Variants in ADPRM observed in about 807,000 individuals in gnomAD.
ADPRM encodes ADP-ribose/CDP-alcohol diphosphatase, manganese dependent.
ADPRM carries 17 observed loss-of-function variants against 27.2 expected under a neutral mutation model. The observed-to-expected ratio is 0.63, with a 90% CI of 0.43 to 0.94. The LOEUF is 0.94. Among genes scored for constraint, ADPRM ranks in the 40% least tolerant of loss-of-function variants. The pLI is 0.00. For missense variants in ADPRM, 337 were observed against 412.8 expected (o/e 0.82, Z 1.59); for synonymous variants, 135 against 145.3 (o/e 0.93, Z 0.51).
rs137935631 is a variant in ADPRM, at chr17:10,711,056, T to A, written c.941T>A (p.Val314Asp). 7 of 1,614,076 alleles carry A rather than the reference T, an allele frequency of 4.3e-6. No homozygotes were observed. The African/African-American group carries it at 9.3e-5, about 22-fold the overall frequency. Residue 314 changes from valine (V) to aspartate (D), a missense_variant, in exon 4 of 4, where the codon GTC becomes GAC. Coordinates refer to ENST00000379774, the MANE Select transcript of ADPRM (RefSeq NM_020233.5). Reference protein sequence around the residue: ...PDSQAFGTVHVYPDKMMLKGR... With the variant: ...PDSQAFGTVHDYPDKMMLKGR... ...AGCCAAGCCTTTGGCACAGTTCATG[T>A]CTATCCTGACAAAATGATGTTGAAA...
In ADPRM at chr17:10,702,597, CTTAGT is replaced by C. The variant is rs2074786394; in HGVS notation, c.-17-2309_-17-2305del. On this transcript the variant is annotated intron_variant, in intron 1 of 3. Coordinates refer to ENST00000379774, the MANE Select transcript of ADPRM (RefSeq NM_020233.5). The surrounding 1 kb of genome is among the most constrained non-coding windows in gnomAD (Gnocchi z 4.2). ...GTTCATTTTCTCCAAAAATTGAAGC[CTTAGT>C]TTATCAGCGTTTGTAGTAGTGGCAG... 6.6e-6 allele frequency among the ~76,000 whole-genome samples: 1 copy of C among 152,084 alleles called. No individual in the cohort carries two copies. Among genetic ancestry groups the C allele is most frequent in the Non-Finnish European group, 1.5e-5 (1 of 68,030 alleles).
At position 10,711,143 on chromosome 17, in the gene ADPRM, AGTCT is replaced by A; in HGVS notation, c.1029_*3del. 6.3e-7 allele frequency: 1 copy of A among 1,593,430 alleles called. No homozygotes were observed. ...AAGAAAGAAAGAGCCTTCCATTGTT[AGTCT>A]AATTTATTTTAACTTGATAGAAAAT... On this transcript the variant is annotated stop_retained_variant and 3_prime_UTR_variant, in exon 4 of 4. Transcript: ENST00000379774.
rs1035529608 is a variant in ADPRM, at chr17:10,705,420, C to T, written c.494C>T (p.Ala165Val). The T allele has an allele frequency of 1.2e-6, 2 of 1,614,066 alleles. No individual in the cohort carries two copies. The highest frequency in any genetic ancestry group is 1.7e-6 in the Non-Finnish European group (2 of 1,180,028). Residue 165 changes from alanine (A) to valine (V), a missense_variant, in exon 2 of 4, where the codon GCA (alanine) becomes GTA (valine). Ala to Val is a moderately conservative substitution (Grantham distance 64). Transcript: ENST00000379774. The surrounding 1 kb of genome is among the most constrained non-coding windows in gnomAD (Gnocchi z 5.4). Reference sequence around the variant, plus strand: ...AAATTCCGGTTCATTTTACTTGATGCATATGACTTGAGTGTCTTGGGCGTG... The same window carrying T: ...AAATTCCGGTTCATTTTACTTGATGTATATGACTTGAGTGTCTTGGGCGTG... ...FPKFRFILLD[A>V]YDLSVLGVDQ... is the part of the protein sequence containing the mutation.
chr17:10,710,051 A>G (rs534640352), intron 3 of ADPRM, among the ~76,000 whole-genome samples: 1 of 152,148 alleles, frequency 6.6e-6, no homozygotes, highest in Non-Finnish European at 1.5e-5. Flanking sequence ...GTTTATGTCA[A>G]TGACACATAA....
chr17:10,705,843 A>G lies in ADPRM; in HGVS notation c.601+316A>G, dbSNP rs961759380. The G allele has an allele frequency of 1.2e-5, 4 of 332,750 alleles. 1 individual carries two copies. In the South Asian group the frequency reaches 1.6e-4, roughly 13 times the overall value. 20.6% of individuals were successfully genotyped at this position (332,750 alleles called of 1,614,324 possible). On this transcript the variant is annotated intron_variant, in intron 2 of 3. Transcript: ENST00000379774. The surrounding 1 kb of genome is among the most constrained non-coding windows in gnomAD (Gnocchi z 5.4). ...ACACAGTACGTGGGCAAGACAGATGATAAATGAAACAGAAACAAGATTATT... is the reference window on the plus strand; with the variant it reads ...ACACAGTACGTGGGCAAGACAGATGGTAAATGAAACAGAAACAAGATTATT...
intron 1 of ADPRM, among the ~76,000 whole-genome samples, chr17:10,703,700 T>G (rs571534334): frequency 6.6e-6 from 1 of 152,198 alleles, no homozygotes; most frequent in Non-Finnish European, 1.5e-5. Context: ...TGACTAGAGA[T>G]GGGGAGTCTG....
Position 10,710,817 on chromosome 17 carries a change from T to C in ADPRM, c.719-17T>C, listed in dbSNP as rs1265724734. 6.2e-7 allele frequency: 1 copy of C among 1,608,706 alleles called. No homozygotes were observed. On this transcript the variant is annotated splice_polypyrimidine_tract_variant and intron_variant, in intron 3 of 3. Transcript: ENST00000379774. ...TTTCTTAATTGGCTCATAACTCTTC[T>C]TTTCTTTAACTAACAGGCCATCTTC...
chr17:10,700,198 T>C (rs1238884166), intron 1 of ADPRM, among the ~76,000 whole-genome samples: 4 of 152,214 alleles, frequency 2.6e-5, no homozygotes, highest in African/African-American at 7.2e-5. Flanking sequence ...TGCTGCCCCC[T>C]TCACCTTTGA....
In ADPRM at chr17:10,706,485, G is replaced by C; in HGVS notation, c.649G>C (p.Glu217Gln). The change falls in exon 3 of 4, where the codon GAA (glutamate) becomes CAA (glutamine). Residue 217 changes from glutamate (E) to glutamine (Q), a missense_variant. Transcript: ENST00000379774. ...CCAGTTTAATGGAGGATTCAGCCAA[G>C]AACAGCTAAACTGGTTGAATGAAGT... ...FVQFNGGFSQ[E>Q]QLNWLNEVLT... 6.2e-7 allele frequency: 1 copy of C among 1,600,994 alleles called. No individual in the cohort carries two copies. The highest frequency in any genetic ancestry group is 8.5e-7 in the Non-Finnish European group (1 of 1,175,660).
Position 10,711,127 on chromosome 17 carries a change from A to C in ADPRM, c.1012A>C (p.Arg338=). 1.2e-6 allele frequency: 2 copies of C among 1,606,630 alleles called. No homozygotes were observed. The highest frequency in any genetic ancestry group is 2.2e-5 in the East Asian group (1 of 44,736). The change falls in exon 4 of 4, where the codon AGA becomes CGA. Residue 338 remains arginine (R), a synonymous_variant. Coordinates refer to ENST00000379774, the MANE Select transcript of ADPRM (RefSeq NM_020233.5). ...PDRIMNYKKE[R]AFHC is the part of the protein sequence containing the mutation. ...TAGAATTATGAATTACAAGAAAGAAAGAGCCTTCCATTGTTAGTCTAATTT... is the reference window on the plus strand; with the variant it reads ...TAGAATTATGAATTACAAGAAAGAACGAGCCTTCCATTGTTAGTCTAATTT...
chr17:10,701,062 T>C (rs1597513998), intron 1 of ADPRM, among the ~76,000 whole-genome samples: 1 of 152,188 alleles, frequency 6.6e-6, no homozygotes, highest in Non-Finnish European at 1.5e-5. Context: ...CGATAACCTA[T>C]TGAGGGTTAT....
In ADPRM at chr17:10,705,012, C is replaced by T. The variant is rs1187939850; in HGVS notation, c.86C>T (p.Ala29Val). The part of the protein sequence containing the change: ...SFGVIADVQF[A>V]DLEDGFNFQG... ...GGCGTCATCGCAGATGTTCAATTTG[C>T]AGACTTAGAAGATGGCTTTAATTTC... is the stretch of plus-strand genomic sequence containing the variant. Residue 29 changes from alanine (A) to valine (V), a missense_variant, in exon 2 of 4, where the codon GCA (alanine) becomes GTA (valine). Ala to Val is a moderately conservative substitution (Grantham distance 64). Coordinates refer to ENST00000379774, the MANE Select transcript of ADPRM (RefSeq NM_020233.5). The surrounding 1 kb of genome is among the most constrained non-coding windows in gnomAD (Gnocchi z 5.4). The T allele has an allele frequency of 2.5e-6, 4 of 1,614,024 alleles. No individual in the cohort carries two copies. Among genetic ancestry groups the T allele is most frequent in the East Asian group, 4.5e-5 (2 of 44,886 alleles).
At chr17:10,710,547 G>A (rs953009406) in intron 3 of ADPRM, among the ~76,000 whole-genome samples, 1 of 152,184 alleles carries the variant, frequency 6.6e-6, no homozygotes, top group Non-Finnish European at 1.5e-5. Context: ...GATCTTCCTC[G>A]GTGTTTCGGC....
intron 1 of ADPRM, among the ~76,000 whole-genome samples, chr17:10,698,538 C>A (rs1259013240): frequency 2.0e-5 from 3 of 152,308 alleles, no homozygotes; most frequent in South Asian, 2.1e-4. Flanking sequence ...GATCCCGCTC[C>A]TGTGTGGCTT....
rs1017658573 is a variant in ADPRM at position 10,702,006 on chromosome 17, A to C, written c.-17-2904A>C. Among the ~76,000 whole-genome samples the C allele has an allele frequency of 6.6e-6, 1 of 152,202 alleles. No homozygotes were observed. The highest frequency in any genetic ancestry group is 2.4e-5 in the African/African-American group (1 of 41,456). On this transcript the variant is annotated intron_variant, in intron 1 of 3. Coordinates refer to ENST00000379774, the MANE Select transcript of ADPRM (RefSeq NM_020233.5). This position sits in a 1 kb window ranked among gnomAD's most constrained non-coding sequence, Gnocchi z 4.2. Reference sequence around the variant, plus strand: ...CCTGAATATGTTTCTGAAATCTGAAATGGCCCCAAATCAGAAATTTGAGCA... The same window carrying C: ...CCTGAATATGTTTCTGAAATCTGAACTGGCCCCAAATCAGAAATTTGAGCA...
intron 3 of ADPRM, among the ~76,000 whole-genome samples, chr17:10,708,839 A>G (rs895408902): frequency 2.0e-5 from 3 of 152,224 alleles, no homozygotes; most frequent in Non-Finnish European, 4.4e-5. Flanking sequence ...TAGCAGAATC[A>G]TGGAGCTGCT....
chr17:10,710,886 C>G lies in ADPRM; in HGVS notation c.771C>G (p.Asn257Lys), dbSNP rs1377604606. Residue 257 changes from asparagine to lysine, a missense_variant, in exon 4 of 4, where the codon AAC becomes AAG. Coordinates refer to ENST00000379774, the MANE Select transcript of ADPRM (RefSeq NM_020233.5). ...CTGACAATGTGTGCCTGGCCTGGAA[C>G]TACAGAGATGCCCTGGCAGTCATTT... ...DASDNVCLAW[N>K]YRDALAVIWS... The G allele has an allele frequency of 7.4e-6, 12 of 1,614,240 alleles. No individual in the cohort carries two copies. The highest frequency in any genetic ancestry group is 1.0e-5 in the Non-Finnish European group (12 of 1,180,032).
chr17:10,708,559 A>G (rs531159961), intron 3 of ADPRM, among the ~76,000 whole-genome samples: 2 of 152,276 alleles, frequency 1.3e-5, no homozygotes, highest in Non-Finnish European at 2.9e-5. Context: ...AAAAACACGT[A>G]GAAGGAGCAG....
Position 10,705,705 on chromosome 17 carries a change from CA to C in ADPRM, c.601+179del. 1 of 1,065,376 alleles carries C rather than the reference CA, an allele frequency of 9.4e-7. No homozygotes were observed. Among genetic ancestry groups the C allele is most frequent in the Non-Finnish European group, 1.3e-6 (1 of 767,636 alleles). The allele number at this position is 1,065,376 out of a possible 1,614,324, so 66.0% of individuals were successfully genotyped here. On this transcript the variant is annotated intron_variant, in intron 2 of 3. Coordinates refer to ENST00000379774, the MANE Select transcript of ADPRM (RefSeq NM_020233.5). The surrounding 1 kb of genome is among the most constrained non-coding windows in gnomAD (Gnocchi z 5.4). ...TACAGTTGATTCAAGATTGATTTAA[CA>C]GATATTTTAAATGCCTATTTTAGGC...
Sources: gnomAD v4.1 joint callset for allele counts (sites outside exome capture counted in the v4.1 genomes callset) on GRCh38, gnomAD v4.1.1 for gene constraint, Gnocchi (gnomAD v3.1) non-coding constraint, MANE v1.5 for transcripts, NCBI Gene and HGNC (gene_info 2026-07-23, HGNC 2026-07-21) for gene names.